Variants in RAP1B observed in about 807,000 individuals in gnomAD.
The protein encoded by RAP1B is RAP1B, member of RAS oncogene family, also known as ras-related protein Rap-1b.
Under a neutral mutation model 27.5 loss-of-function variants are expected in RAP1B, and 1 was observed. The observed-to-expected ratio is 0.04, with a 90% CI of 0.01 to 0.17. RAP1B has a LOEUF of 0.17. RAP1B is among the 10% of genes least tolerant of loss of function. The pLI is 1.00. For synonymous variants in RAP1B, 75 were observed against 73.1 expected (o/e 1.03, Z -0.13); for missense variants, 84 against 214.8 (o/e 0.39, Z 3.81).
chr12:68,622,786 T>C (rs781669409), intron 1 of RAP1B, among the ~76,000 whole-genome samples: 2 of 152,220 alleles, frequency 1.3e-5, no homozygotes, highest in Non-Finnish European at 2.9e-5. Context: ...AAGAGAATTA[T>C]TTTAGTTAGA....
intron 1 of RAP1B, among the ~76,000 whole-genome samples, chr12:68,613,681 C>A (rs1870780426): frequency 6.6e-6 from 1 of 152,216 alleles, no homozygotes; most frequent in South Asian, 2.1e-4. Context: ...TTTCATTCTT[C>A]ACAGTAATCT....
chr12:68,662,332 A>G lies in RAP1B; in HGVS notation c.*3083A>G, dbSNP rs1457412223. 1.3e-5 allele frequency: 2 copies of G among 152,036 alleles called. No individual in the cohort carries two copies. The highest frequency in any genetic ancestry group is 1.3e-4 in the Admixed American group (2 of 15,258). 9.4% of individuals were successfully genotyped at this position (152,036 alleles called of 1,614,324 possible). ...GAAACTTGAGTTTTAGGAGAAAATC[A>G]GAGTGGTCTTTCACTTACATTTTTC... is the stretch of plus-strand genomic sequence containing the variant. On this transcript the variant is annotated 3_prime_UTR_variant, in exon 8 of 8. Transcript: ENST00000250559.
chr12:68,625,685 C>T lies in RAP1B; in HGVS notation c.-27+14642C>T, dbSNP rs180955967. ...CCTGTAATCCCAACACTTTGGGAGG[C>T]CGAGGCGGGTGGATCATGAGGTCGA... On this transcript the variant is annotated intron_variant, in intron 1 of 7. Transcript: ENST00000250559. 2.2e-4 allele frequency among the ~76,000 whole-genome samples: 34 copies of T among 152,218 alleles called. No homozygotes were observed. In the East Asian group the frequency reaches 4.1e-3, roughly 18 times the overall value.
chr12:68,653,937 AAAAG>A (rs1408563834), intron 4 of RAP1B, among the ~76,000 whole-genome samples, 171 bp from the exon 5 acceptor site: 1 of 152,198 alleles, frequency 6.6e-6, no homozygotes, highest in Non-Finnish European at 1.5e-5. Flanking sequence ...CTCAAAAAAA[AAAAG>A]AAACTAAAAT....
Position 68,670,122 on chromosome 12 carries a change from G to C in RAP1B, c.*10873G>C, listed in dbSNP as rs1424497310. On this transcript the variant is annotated 3_prime_UTR_variant, in exon 8 of 8. Transcript: ENST00000250559. ...TGGGCTAATTTTGTATTTTAGTAGA[G>C]ATGGGGTTTCTCCATGTTGGTCAGG... 1 of 152,018 alleles carries C rather than the reference G, an allele frequency of 6.6e-6. No individual in the cohort carries two copies. Among genetic ancestry groups the C allele is most frequent in the Non-Finnish European group, 1.5e-5 (1 of 68,158 alleles). The allele number at this position is 152,018 out of a possible 1,614,324, so 9.4% of individuals were successfully genotyped here.
intron 5 of RAP1B, among the ~76,000 whole-genome samples, chr12:68,655,391 C>T (rs1274217824): frequency 6.6e-6 from 1 of 152,030 alleles, no homozygotes; most frequent in South Asian, 2.1e-4. Context: ...CTGGGAGACA[C>T]CCATGGTAAA....
At chr12:68,648,434 T>C (rs1873575347) in intron 1 of RAP1B, among the ~76,000 whole-genome samples, 1 of 152,216 alleles carries the variant, frequency 6.6e-6, no homozygotes. Flanking sequence ...TGAGTAAAAC[T>C]TGATGTAACA....
chr12:68,662,061 A>G lies in RAP1B; in HGVS notation c.*2812A>G, dbSNP rs1447289079. On this transcript the variant is annotated 3_prime_UTR_variant, in exon 8 of 8. Transcript: ENST00000250559. ...TATATAGTACATATATAGAGAGAGTATATATATATATGTAGTACAGTGGAG... is the reference window on the plus strand; with the variant it reads ...TATATAGTACATATATAGAGAGAGTGTATATATATATGTAGTACAGTGGAG... 1 of 146,812 alleles carries G rather than the reference A, an allele frequency of 6.8e-6. No homozygotes were observed. The highest frequency in any genetic ancestry group is 1.5e-5 in the Non-Finnish European group (1 of 66,776). 9.1% of individuals were successfully genotyped at this position (146,812 alleles called of 1,614,324 possible). A position where few individuals can be genotyped will look rare whatever the true frequency, so the allele number is the denominator to read the frequency against.
At chr12:68,644,922 TCCAGCTGG>T in intron 1 of RAP1B, among the ~76,000 whole-genome samples, 1 of 151,922 alleles carries the variant, frequency 6.6e-6, no homozygotes, top group Non-Finnish European at 1.5e-5. Context: ...ACCAGCCTGG[TCCAGCTGG>T]TCCAGTGATC....
rs186090733 is a variant in RAP1B, at chr12:68,626,481, A to G, written c.-27+15438A>G. On this transcript the variant is annotated intron_variant, in intron 1 of 7. Coordinates refer to ENST00000250559, the MANE Select transcript of RAP1B (RefSeq NM_001010942.3). The stretch of plus-strand genomic sequence containing the variant: ...CTTTAAATTTTGGACATAGAGAACC[A>G]TCTTGGATAACCTCTTTCCCCCCAG... Among the ~76,000 whole-genome samples, 19 of 152,298 alleles carry G rather than the reference A, an allele frequency of 1.2e-4. 1 individual carries two copies. Among genetic ancestry groups the G allele is most frequent in the Admixed American group, 1.2e-3 (19 of 15,288 alleles).
At chr12:68,644,779 C>G (rs780634168) in intron 1 of RAP1B, among the ~76,000 whole-genome samples, 5 of 148,346 alleles carry the variant, frequency 3.4e-5, no homozygotes, top group Non-Finnish European at 5.9e-5. Flanking sequence ...ACCTCCACCT[C>G]CTGGGTTCAA....
chr12:68,653,252 C>T (rs1262695278), intron 4 of RAP1B, among the ~76,000 whole-genome samples: 6 of 151,352 alleles, frequency 4.0e-5, no homozygotes, highest in Non-Finnish European at 7.4e-5. Context: ...TCTCCTTCAA[C>T]GTATTTATAG....
rs556370676 is a variant in RAP1B at position 68,612,298 on chromosome 12, A to G, written c.-27+1255A>G. ...ATACTGTTTGGACTTGCTCAACAAG[A>G]CCTTATCTTAACAAAAAGTAACTTA... On this transcript the variant is annotated intron_variant, in intron 1 of 7. Transcript: ENST00000250559. Among the ~76,000 whole-genome samples, 26 of 152,314 alleles carry G rather than the reference A, an allele frequency of 1.7e-4. No individual in the cohort carries two copies. In the South Asian group the frequency reaches 4.6e-3, roughly 27 times the overall value.
rs1874964459 is a variant in RAP1B, at chr12:68,669,081, A to C, written c.*9832A>C. 1 of 152,234 alleles carries C rather than the reference A, an allele frequency of 6.6e-6. No individual in the cohort carries two copies. Among genetic ancestry groups the C allele is most frequent in the Admixed American group, 6.5e-5 (1 of 15,282 alleles). The allele number at this position is 152,234 out of a possible 1,614,324, so 9.4% of individuals were successfully genotyped here. ...TGAAAGCTCAAAAAAATCTATTAGA[A>C]GTATTCAGGAACTTGGCTGGATATA... On this transcript the variant is annotated 3_prime_UTR_variant, in exon 8 of 8. Transcript: ENST00000250559.
chr12:68,649,647 CA>C (rs1465701322), intron 2 of RAP1B: 1 of 152,138 alleles, frequency 6.6e-6, no homozygotes, highest in Admixed American at 6.5e-5. Flanking sequence ...TTAGAAAGGC[CA>C]CCTAGCTGAG....
Position 68,662,599 on chromosome 12 carries a change from T to C in RAP1B, c.*3350T>C, listed in dbSNP as rs1223209008. 1 of 152,176 alleles carries C rather than the reference T, an allele frequency of 6.6e-6. No individual in the cohort carries two copies. The allele number at this position is 152,176 out of a possible 1,614,324, so 9.4% of individuals were successfully genotyped here. ...AGTTAAACTCTTATCTGTGTTTTCA[T>C]TGAATTTAATCTCCATCTATTCTAT... On this transcript the variant is annotated 3_prime_UTR_variant, in exon 8 of 8. Transcript: ENST00000250559.
Position 68,671,573 on chromosome 12 carries a change from G to T in RAP1B, c.*12324G>T, listed in dbSNP as rs1875095028. On this transcript the variant is annotated 3_prime_UTR_variant, in exon 8 of 8. Coordinates refer to ENST00000250559, the MANE Select transcript of RAP1B (RefSeq NM_001010942.3). Reference sequence around the variant, plus strand: ...ACCGAGAAGGATGTATGTGAGGGATGCATGTGGGCACCTGGGAAAGGAGAT... The same window carrying T: ...ACCGAGAAGGATGTATGTGAGGGATTCATGTGGGCACCTGGGAAAGGAGAT... 6.6e-6 allele frequency: 1 copy of T among 152,182 alleles called. No homozygotes were observed. Among genetic ancestry groups the T allele is most frequent in the Admixed American group, 6.5e-5 (1 of 15,274 alleles). The allele number at this position is 152,182 out of a possible 1,614,324, so 9.4% of individuals were successfully genotyped here.
chr12:68,611,714 A>T (rs1870607917), intron 1 of RAP1B, among the ~76,000 whole-genome samples: 1 of 152,164 alleles, frequency 6.6e-6, no homozygotes, highest in South Asian at 2.1e-4. Flanking sequence ...GGCAGCAGCC[A>T]CCGTGTAGAG....
chr12:68,647,859 A>G (rs944426696), intron 1 of RAP1B: 3 of 152,318 alleles, frequency 2.0e-5, no homozygotes, highest in Admixed American at 2.0e-4. Flanking sequence ...TTAGTTGATT[A>G]AAATCATTTA....
Sources: allele counts gnomAD v4.1 joint callset (sites outside exome capture counted in the v4.1 genomes callset), GRCh38; gene constraint gnomAD v4.1.1; transcripts MANE v1.5; gene names NCBI Gene and HGNC (gene_info 2026-07-23, HGNC 2026-07-21).